FRMPD4: variants seen among roughly 807,000 people sequenced by gnomAD.
FRMPD4 encodes FERM and PDZ domain containing 4, also known as FERM and PDZ domain-containing protein 4.
A neutral mutation model predicts 94.1 loss-of-function variants in FRMPD4; 22 were observed. The ratio of observed to expected loss-of-function variants is 0.23; its 90% CI spans 0.17 to 0.33. FRMPD4 has a LOEUF of 0.33. Among genes scored for constraint, FRMPD4 ranks in the 10% least tolerant of loss-of-function variants. FRMPD4 has a pLI of 1.00. For missense variants in FRMPD4, 1,111 were observed against 1,339.9 expected (o/e 0.83, Z 2.67); for synonymous variants, 631 against 548.6 (o/e 1.15, Z -2.10).
At chrX:11,874,181 C>T (rs758702151) in intron 2 of FRMPD4, among the ~76,000 whole-genome samples, 1 of 112,619 alleles carries the variant, frequency 8.9e-6, no homozygotes, top group Non-Finnish European at 1.9e-5. Flanking sequence ...GACAGGGTCT[C>T]GCTCTGTTAC....
intron 1 of FRMPD4, among the ~76,000 whole-genome samples, chrX:11,837,483 A>C (rs893147601): frequency 9.0e-5 from 10 of 111,647 alleles, no homozygotes; most frequent in African/African-American, 3.3e-4. Context: ...AGAATCATGC[A>C]ACAAAAATAG....
intron 1 of FRMPD4, chrX:12,374,799 A>G (rs1378536754): frequency 9.0e-6 from 1 of 111,431 alleles, no homozygotes; most frequent in African/African-American, 3.3e-5. Context: ...TGGGTAGTCA[A>G]CATCACCTGT....
At chrX:11,831,721 C>A (rs566401429) in intron 1 of FRMPD4, among the ~76,000 whole-genome samples, 3 of 110,362 alleles carry the variant, frequency 2.7e-5, no homozygotes, top group African/African-American at 9.9e-5. Context: ...GAAAATGGGC[C>A]GGAGATAAAT....
At chrX:12,133,377 C>T (rs1468566144) in intron 3 of FRMPD4, among the ~76,000 whole-genome samples, 2 of 109,877 alleles carry the variant, frequency 1.8e-5, no homozygotes, top group Non-Finnish European at 3.8e-5. Flanking sequence ...CAGCGAAACC[C>T]TTCTGGTTTT....
chrX:12,096,806 G>A (rs1463228248), intron 3 of FRMPD4, among the ~76,000 whole-genome samples: 8 of 111,286 alleles, frequency 7.2e-5, no homozygotes, highest in Non-Finnish European at 1.5e-4. Flanking sequence ...AGTATTGCTC[G>A]AGCCCAGGAA....
At chrX:12,512,570 G>T (rs778024400) in intron 2 of FRMPD4, among the ~76,000 whole-genome samples, 1 of 112,719 alleles carries the variant, frequency 8.9e-6, no homozygotes, top group Non-Finnish European at 1.9e-5. Context: ...TTTTATGGCT[G>T]CATAGTATTC....
intron 1 of FRMPD4, among the ~76,000 whole-genome samples, chrX:12,257,719 GA>G (rs1216884710): frequency 9.0e-6 from 1 of 111,203 alleles, no homozygotes; most frequent in Non-Finnish European, 1.9e-5. Context: ...TTCCTCAACT[GA>G]AAAAATGAAA....
chrX:12,204,920 T>C (rs1270435731), intron 1 of FRMPD4, among the ~76,000 whole-genome samples: 3 of 110,494 alleles, frequency 2.7e-5, no homozygotes, highest in Non-Finnish European at 3.8e-5. Context: ...TGTTGTAAAT[T>C]GCCCCATTCA....
chrX:12,508,715 C>A (rs894121465), intron 2 of FRMPD4, among the ~76,000 whole-genome samples: 1 of 110,913 alleles, frequency 9.0e-6, no homozygotes, highest in Non-Finnish European at 1.9e-5. Flanking sequence ...AGGCATTAGC[C>A]AGGTGTGGTG....
At chrX:11,984,878 G>T (rs192244216) in intron 3 of FRMPD4, among the ~76,000 whole-genome samples, 4 of 112,145 alleles carry the variant, frequency 3.6e-5, no homozygotes, top group Non-Finnish European at 5.6e-5. Context: ...ATGGGCAAAG[G>T]TCTTGAATAG....
intron 3 of FRMPD4, among the ~76,000 whole-genome samples, chrX:11,975,138 C>T (rs748944388): frequency 9.0e-6 from 1 of 111,705 alleles, no homozygotes; most frequent in Non-Finnish European, 1.9e-5. Flanking sequence ...GCATGAATGA[C>T]CCTGAGCATA....
intron 1 of FRMPD4, among the ~76,000 whole-genome samples, chrX:12,179,504 T>C (rs1444529788): frequency 8.9e-6 from 1 of 111,842 alleles, no homozygotes; most frequent in East Asian, 2.8e-4. Context: ...AACGTATAGA[T>C]TAAAGGCTTG....
chrX:11,905,668 T>C (rs1273656174), intron 3 of FRMPD4, among the ~76,000 whole-genome samples: 1 of 111,333 alleles, frequency 9.0e-6, no homozygotes, highest in African/African-American at 3.3e-5. Context: ...TACTGTGATA[T>C]ATATTGGGGG....
chrX:11,964,444 G>A (rs1294417941), intron 3 of FRMPD4, among the ~76,000 whole-genome samples: 3 of 110,680 alleles, frequency 2.7e-5, no homozygotes, highest in Non-Finnish European at 5.7e-5. Context: ...ATACCCGGCC[G>A]GGATTCAGTG....
intron 1 of FRMPD4, among the ~76,000 whole-genome samples, chrX:12,231,036 A>G (rs865845794): frequency 3.2e-5 from 2 of 61,543 alleles, no homozygotes; most frequent in African/African-American, 1.3e-4. Flanking sequence ...TATAGTATAT[A>G]TATATATATA....
At chrX:12,113,117 T>A (rs2055380463) in intron 3 of FRMPD4, among the ~76,000 whole-genome samples, 1 of 112,076 alleles carries the variant, frequency 8.9e-6, no homozygotes, top group Admixed American at 9.5e-5. Flanking sequence ...TGAACTACTA[T>A]GGTCAGGTCA....
intron 1 of FRMPD4, among the ~76,000 whole-genome samples, chrX:12,396,331 TA>T (rs34382971): frequency 9.1e-6 from 1 of 109,979 alleles, no homozygotes; most frequent in Non-Finnish European, 1.9e-5. Context: ...TTTGGAGATT[TA>T]AAAAAAAATT....
Position 11,829,387 on chromosome X carries a change from C to T in FRMPD4, c.-161+6672C>T, listed in dbSNP as rs189558645. On this transcript the variant is annotated intron_variant, in intron 1 of 18. Coordinates refer to the FRMPD4 transcript ENST00000640291. ...TCCTTGAAGTGTGGCCTTTGGAAAG[C>T]TTAAGAGAAATATAAAGTAAACTAG... Among the ~76,000 whole-genome samples, 549 of 111,069 alleles carry T rather than the reference C, an allele frequency of 4.9e-3. 1 individual carries two copies. Among genetic ancestry groups the T allele is most frequent in the Non-Finnish European group, 7.4e-3 (392 of 52,946 alleles).
intron 4 of FRMPD4, among the ~76,000 whole-genome samples, chrX:12,634,204 C>G (rs772446741): frequency 1.2e-4 from 14 of 112,157 alleles, no homozygotes; most frequent in Non-Finnish European, 2.6e-4. Context: ...AAATTATCAC[C>G]GTTAAACATC....
Sources: allele counts gnomAD v4.1 joint callset (sites outside exome capture counted in the v4.1 genomes callset), GRCh38; gene constraint gnomAD v4.1.1; transcripts MANE v1.5; gene names NCBI Gene and HGNC (gene_info 2026-07-23, HGNC 2026-07-21).